Variants in GFPT1 observed in about 807,000 individuals in gnomAD.
GFPT1 encodes glutamine--fructose-6-phosphate transaminase 1, also known as glutamine--fructose-6-phosphate aminotransferase [isomerizing] 1.
A neutral mutation model predicts 92.0 loss-of-function variants in GFPT1; 40 were observed. That is an observed-to-expected ratio of 0.43 (90% CI 0.34 to 0.57). GFPT1 has a LOEUF of 0.57. GFPT1 is among the 20% of genes least tolerant of loss of function. The pLI is 0.02. For missense variants in GFPT1, 448 were observed against 869.1 expected (o/e 0.52, Z 6.09); for synonymous variants, 269 against 280.6 (o/e 0.96, Z 0.41).
At position 69,325,554 on chromosome 2, in the gene GFPT1, CTGTAA is replaced by C. The variant is rs1670507930; in HGVS notation, c.*630_*634del. 1 of 152,296 alleles carries C rather than the reference CTGTAA, an allele frequency of 6.6e-6. No individual in the cohort carries two copies. The highest frequency in any genetic ancestry group is 6.5e-5 in the Admixed American group (1 of 15,296). 9.4% of individuals were successfully genotyped at this position (152,296 alleles called of 1,614,324 possible). A position where few individuals can be genotyped will look rare whatever the true frequency, so the allele number is the denominator to read the frequency against. The stretch of plus-strand genomic sequence containing the variant: ...AGGATTGAGACCCACCAATGCACTA[CTGTAA>C]TATTTCGCTTCCTAAATTTCTTCCA... On this transcript the variant is annotated 3_prime_UTR_variant, in exon 20 of 20. Transcript: ENST00000357308.
chr2:69,352,935 A>G (rs927517411), intron 9 of GFPT1, among the ~76,000 whole-genome samples: 3 of 151,536 alleles, frequency 2.0e-5, no homozygotes, highest in African/African-American at 7.3e-5. Context: ...AGTCCCAGCT[A>G]CTCTGGAGGC....
intron 13 of GFPT1, among the ~76,000 whole-genome samples, chr2:69,340,145 T>A (rs958368863): frequency 0.32 from 17,858 of 55,954 alleles, 1,093 homozygotes; most frequent in African/African-American, 0.41. Context: ...GGCAACTTTT[T>A]TTTTTTTTTT....
At position 69,321,916 on chromosome 2, in the gene GFPT1, C is replaced by T. The variant is rs1402043509; in HGVS notation, c.*4273G>A. ...AGTTAATATAGCATAATTTTACAAT[C>T]GTACTTTCACTATGATTTTTATTTT... On this transcript the variant is annotated 3_prime_UTR_variant, in exon 20 of 20. Transcript: ENST00000357308. 6.6e-6 allele frequency: 1 copy of T among 151,592 alleles called. No homozygotes were observed. Among genetic ancestry groups the T allele is most frequent in the Non-Finnish European group, 1.5e-5 (1 of 67,722 alleles). The allele number at this position is 151,592 out of a possible 1,614,324, so 9.4% of individuals were successfully genotyped here. A position where few individuals can be genotyped will look rare whatever the true frequency, so the allele number is the denominator to read the frequency against.
Position 69,354,308 on chromosome 2 carries a change from C to T in GFPT1, c.690G>A (p.Arg230=), listed in dbSNP as rs773395203. Residue 230 remains arginine, a synonymous_variant, in exon 9 of 20, where the codon AGG becomes AGA. Coordinates refer to ENST00000357308, the MANE Select transcript of GFPT1 (RefSeq NM_001244710.2). Reference sequence around the variant, plus strand: ...GTGTGAATTTTGATCCAATCTGAGTCCTAGCTAAGGATACACAACAGAAAA... The same window carrying T: ...GTGTGAATTTTGATCCAATCTGAGTTCTAGCTAAGGATACACAACAGAAAA... ...DHIPILYRTA[R]TQIGSKFTRW... 6.3e-7 allele frequency: 1 copy of T among 1,590,892 alleles called. No homozygotes were observed. Among genetic ancestry groups the T allele is most frequent in the Admixed American group, 1.7e-5 (1 of 59,068 alleles).
At chr2:69,334,168 A>G (rs978063966) in intron 15 of GFPT1, among the ~76,000 whole-genome samples, 2 of 151,998 alleles carry the variant, frequency 1.3e-5, no homozygotes, top group African/African-American at 4.8e-5. Context: ...AAATAATAAT[A>G]ATAATAGTAA....
intron 2 of GFPT1, among the ~76,000 whole-genome samples, chr2:69,370,792 C>T (rs1166614879): frequency 6.6e-6 from 1 of 152,046 alleles, no homozygotes; most frequent in Non-Finnish European, 1.5e-5. Context: ...GTGTGGAATA[C>T]CTCAAAGGAC....
intron 12 of GFPT1, among the ~76,000 whole-genome samples, chr2:69,344,795 C>G (rs1212872236): frequency 2.0e-5 from 3 of 151,824 alleles, no homozygotes; most frequent in Non-Finnish European, 2.9e-5. Flanking sequence ...AGGCACCCAC[C>G]ACCACACCCA....
At chr2:69,347,378 C>T (rs898851935) in intron 11 of GFPT1, among the ~76,000 whole-genome samples, 1 of 151,894 alleles carries the variant, frequency 6.6e-6, no homozygotes. Flanking sequence ...CTACCACAAT[C>T]CCATCAGAAA....
chr2:69,361,350 G>C (rs1171955265), intron 4 of GFPT1, among the ~76,000 whole-genome samples: 1 of 149,276 alleles, frequency 6.7e-6, no homozygotes, highest in Non-Finnish European at 1.5e-5. Context: ...TGGGAGGCTT[G>C]AGGCAGAAGA....
At chr2:69,373,208 T>C (rs1671792409) in intron 2 of GFPT1, among the ~76,000 whole-genome samples, 1 of 152,132 alleles carries the variant, frequency 6.6e-6, no homozygotes, top group Admixed American at 6.6e-5. Flanking sequence ...GTTCTGTGAG[T>C]CCTCCTAGGG....
intron 9 of GFPT1, among the ~76,000 whole-genome samples, chr2:69,353,560 G>A (rs2104646235): frequency 6.6e-6 from 1 of 151,900 alleles, no homozygotes; most frequent in East Asian, 1.9e-4. Flanking sequence ...GGGTATGATG[G>A]CACACGCTTG....
At chr2:69,361,162 A>C (rs756904404) in intron 4 of GFPT1, among the ~76,000 whole-genome samples, 39 of 152,068 alleles carry the variant, frequency 2.6e-4, no homozygotes, top group Admixed American at 3.9e-4. Context: ...TTTATAAAAA[A>C]ACTTGCCGGG....
chr2:69,328,878 T>C (rs1424717333), intron 17 of GFPT1, among the ~76,000 whole-genome samples: 1 of 152,040 alleles, frequency 6.6e-6, no homozygotes, highest in South Asian at 2.1e-4. Context: ...TGTTTTTGTA[T>C]TATTAGTAGA....
rs1482546407 is a variant in GFPT1, at chr2:69,323,061, T to C, written c.*3128A>G. 2 of 152,252 alleles carry C rather than the reference T, an allele frequency of 1.3e-5. No homozygotes were observed. Among genetic ancestry groups the C allele is most frequent in the South Asian group, 2.1e-4 (1 of 4,832 alleles). The allele number at this position is 152,252 out of a possible 1,614,324, so 9.4% of individuals were successfully genotyped here. On this transcript the variant is annotated 3_prime_UTR_variant, in exon 20 of 20. Transcript: ENST00000357308. ...AGGTATTAATAAACACTTGTTGACA[T>C]AGTTATAATAAGCTAAAAATAGTTA...
At chr2:69,385,897 T>C (rs991110819) in intron 1 of GFPT1, among the ~76,000 whole-genome samples, 1 of 152,028 alleles carries the variant, frequency 6.6e-6, no homozygotes, top group Non-Finnish European at 1.5e-5. Flanking sequence ...GAAATGAGCA[T>C]AAAGTTAAAT....
chr2:69,381,539 C>T lies in GFPT1; in HGVS notation c.7+5526G>A, dbSNP rs79932185. ...ACACATACTACTCTCTGAAGCTAGC[C>T]TCTCCCCTACTTGTAACTTTTTTTT... On this transcript the variant is annotated intron_variant, in intron 1 of 19. Coordinates refer to ENST00000357308, the MANE Select transcript of GFPT1 (RefSeq NM_001244710.2). Among the ~76,000 whole-genome samples the T allele has an allele frequency of 4.0e-3, 614 of 151,682 alleles. 5 individuals carry two copies. The highest frequency in any genetic ancestry group is 0.014 in the African/African-American group (585 of 41,342).
chr2:69,373,738 C>T (rs1671806101), intron 2 of GFPT1, among the ~76,000 whole-genome samples: 1 of 152,166 alleles, frequency 6.6e-6, no homozygotes, highest in African/African-American at 2.4e-5. Context: ...GTAAGACCTT[C>T]ACGAATTTTG....
At chr2:69,380,205 T>C (rs548805566) in intron 1 of GFPT1, among the ~76,000 whole-genome samples, 5 of 151,992 alleles carry the variant, frequency 3.3e-5, no homozygotes, top group African/African-American at 1.2e-4. Context: ...CCAGGCATGG[T>C]GACGCGTGCC....
chr2:69,322,188 C>T lies in GFPT1; in HGVS notation c.*4001G>A, dbSNP rs1159636573. ...ACACTCTGCCTGGTATTCTTGTACA[C>T]AAAATTTACTAAATATGTGAATATC... On this transcript the variant is annotated 3_prime_UTR_variant, in exon 20 of 20. Transcript: ENST00000357308. 6.6e-6 allele frequency: 1 copy of T among 151,750 alleles called. No individual in the cohort carries two copies. The highest frequency in any genetic ancestry group is 6.6e-5 in the Admixed American group (1 of 15,244). The allele number at this position is 151,750 out of a possible 1,614,324, so 9.4% of individuals were successfully genotyped here.
Sources: gnomAD v4.1 joint callset for allele counts (sites outside exome capture counted in the v4.1 genomes callset) on GRCh38, gnomAD v4.1.1 for gene constraint, MANE v1.5 for transcripts, NCBI Gene and HGNC (gene_info 2026-07-23, HGNC 2026-07-21) for gene names.